Variants in MECOM observed in about 807,000 individuals in gnomAD.
MECOM encodes the protein histone-lysine N-methyltransferase MECOM.
MECOM carries 13 observed loss-of-function variants against 116.3 expected under a neutral mutation model. That is an observed-to-expected ratio of 0.11 (90% CI 0.07 to 0.18). MECOM has a LOEUF of 0.18. Ranked by LOEUF, MECOM falls within the 10% of genes least tolerant of loss-of-function variation. MECOM has a pLI of 1.00. For synonymous variants in MECOM, 528 were observed against 535.2 expected, an observed-to-expected ratio of 0.99 and a Z score of 0.19; for missense variants, 1,299 against 1,509.0, an observed-to-expected ratio of 0.86 and a Z score of 2.31.
At chr3:169,167,876 C>T (rs185804448) in intron 2 of MECOM, among the ~76,000 whole-genome samples, 9 of 152,020 alleles carry the variant, frequency 5.9e-5, no homozygotes, top group African/African-American at 2.2e-4. Context: ...CTTTTGAGTA[C>T]TTGTCCTTTC....
At chr3:169,201,163 T>TG (rs1294021240) in intron 2 of MECOM, among the ~76,000 whole-genome samples, 3 of 152,144 alleles carry the variant, frequency 2.0e-5, no homozygotes, top group Non-Finnish European at 2.9e-5. Flanking sequence ...GTTTACTTAA[T>TG]GCACTTTGCA....
chr3:169,412,218 G>A (rs573228715), intron 1 of MECOM, among the ~76,000 whole-genome samples: 3 of 150,108 alleles, frequency 2.0e-5, no homozygotes, highest in Middle Eastern at 3.5e-3. Flanking sequence ...CCCAGGAGGC[G>A]GAGGTTGCAG....
At chr3:169,263,406 A>G (rs982670881) in intron 2 of MECOM, among the ~76,000 whole-genome samples, 3 of 151,312 alleles carry the variant, frequency 2.0e-5, no homozygotes, top group Admixed American at 6.6e-5. Flanking sequence ...GGGATTACAG[A>G]TGTGAGCCAC....
In MECOM at chr3:169,398,393, T is replaced by G. The variant is rs1735335876; in HGVS notation, c.38-16869A>C. On this transcript the variant is annotated intron_variant, in intron 1 of 16. Transcript: ENST00000651503. ...ACCTGGATAAAGGGATTGAAGAACA[T>G]ATCATACACTTGTTCATGGATGAGT... 2.0e-5 allele frequency among the ~76,000 whole-genome samples: 3 copies of G among 152,196 alleles called. No homozygotes were observed. In the South Asian group the frequency reaches 6.2e-4, roughly 32 times the overall value.
chr3:169,149,662 C>G, intron 2 of MECOM: 1 of 502,610 alleles, frequency 2.0e-6, no homozygotes, highest in South Asian at 1.5e-5. Flanking sequence ...ATGTAGACAT[C>G]AGCCTGAGAG....
chr3:169,638,690 T>C (rs560663947), intron 1 of MECOM, among the ~76,000 whole-genome samples: 3 of 152,264 alleles, frequency 2.0e-5, no homozygotes, highest in Non-Finnish European at 2.9e-5. Context: ...CCTGGTGTGG[T>C]TGACATGGTT....
intron 2 of MECOM, among the ~76,000 whole-genome samples, chr3:169,359,245 C>A (rs773313290): frequency 6.6e-6 from 1 of 151,728 alleles, no homozygotes; most frequent in Non-Finnish European, 1.5e-5. Context: ...AATCAGTGCT[C>A]TGAGGTGCTT....
intron 1 of MECOM, among the ~76,000 whole-genome samples, chr3:169,452,258 C>A (rs1296834477): frequency 6.6e-6 from 1 of 151,936 alleles, no homozygotes; most frequent in Non-Finnish European, 1.5e-5. Context: ...AAGCTTGAGA[C>A]TGCTTAGGAA....
intron 2 of MECOM, among the ~76,000 whole-genome samples, chr3:169,160,566 ATATAT>A (rs1297224044): frequency 8.8e-5 from 13 of 148,350 alleles, no homozygotes; most frequent in African/African-American, 3.2e-4. Flanking sequence ...TTTAACAATA[ATATAT>A]TAGTTATTTT....
intron 2 of MECOM, among the ~76,000 whole-genome samples, chr3:169,307,868 C>T (rs1334395428): frequency 6.6e-6 from 1 of 152,160 alleles, no homozygotes; most frequent in Non-Finnish European, 1.5e-5. Flanking sequence ...CTGAGGCTAC[C>T]TGGGCCAGAT....
chr3:169,625,549 G>A (rs997749768), intron 1 of MECOM, among the ~76,000 whole-genome samples: 1 of 152,126 alleles, frequency 6.6e-6, no homozygotes, highest in African/African-American at 2.4e-5. Context: ...CTGAAAAATA[G>A]GAAGTTTCAC....
At chr3:169,219,311 C>A (rs529010515) in intron 2 of MECOM, among the ~76,000 whole-genome samples, 1 of 152,030 alleles carries the variant, frequency 6.6e-6, no homozygotes. Flanking sequence ...TCCAGACCAT[C>A]CTGGCTAACA....
chr3:169,213,071 C>CT (rs200530539), intron 2 of MECOM, among the ~76,000 whole-genome samples: 10 of 141,956 alleles, frequency 7.0e-5, no homozygotes, highest in Non-Finnish European at 1.1e-4. Flanking sequence ...TCCTCTCTTT[C>CT]TTTTTTATTT....
chr3:169,488,053 C>T (rs1183348857), intron 1 of MECOM, among the ~76,000 whole-genome samples: 1 of 151,810 alleles, frequency 6.6e-6, no homozygotes, highest in Non-Finnish European at 1.5e-5. Context: ...CTTCCAAAAG[C>T]ATGAAGCAAA....
intron 2 of MECOM, among the ~76,000 whole-genome samples, chr3:169,230,405 C>G (rs1404966259): frequency 6.6e-6 from 1 of 152,018 alleles, no homozygotes; most frequent in Non-Finnish European, 1.5e-5. Flanking sequence ...CTTTGAGATA[C>G]CAGGTTAAAA....
At chr3:169,551,503 T>G (rs1369591707) in intron 1 of MECOM, among the ~76,000 whole-genome samples, 5 of 152,232 alleles carry the variant, frequency 3.3e-5, no homozygotes, top group Admixed American at 3.3e-4. Flanking sequence ...CTGAAGTGTT[T>G]GTGAACAACT....
intron 1 of MECOM, among the ~76,000 whole-genome samples, chr3:169,615,248 TA>T (rs1482413130): frequency 1.3e-5 from 2 of 152,228 alleles, no homozygotes; most frequent in African/African-American, 2.4e-5. Flanking sequence ...TAGCCAACTA[TA>T]AAGTTATTAA....
At chr3:169,111,394 A>G (rs1727345176) in intron 9 of MECOM, among the ~76,000 whole-genome samples, 1 of 152,138 alleles carries the variant, frequency 6.6e-6, no homozygotes, top group Non-Finnish European at 1.5e-5. Context: ...ATAAGTATTT[A>G]TTTATAATTA....
At chr3:169,135,427 G>A (rs1466056902) in intron 3 of MECOM, among the ~76,000 whole-genome samples, 1 of 151,896 alleles carries the variant, frequency 6.6e-6, no homozygotes, top group Non-Finnish European at 1.5e-5. Flanking sequence ...CTCTCTCTCA[G>A]AATGTTCTAT....
Sources: gnomAD v4.1 joint callset for allele counts (sites outside exome capture counted in the v4.1 genomes callset) on GRCh38, gnomAD v4.1.1 for gene constraint, MANE v1.5 for transcripts, NCBI Gene and HGNC (gene_info 2026-07-23, HGNC 2026-07-21) for gene names.